The following SLC30A8 variants were observed in gnomAD, a reference collection of about 807,000 sequenced individuals.
SLC30A8 encodes the protein solute carrier family 30 member 8.
A neutral mutation model predicts 36.9 loss-of-function variants in SLC30A8; 27 were observed. That is an observed-to-expected ratio of 0.73 (90% CI 0.54 to 1.01). The LOEUF is 1.01. Among genes scored for constraint, SLC30A8 ranks in the 50% least tolerant of loss-of-function variants. SLC30A8 has a pLI of 0.00. For synonymous variants in SLC30A8, 164 were observed against 172.4 expected (o/e 0.95, Z 0.38); for missense variants, 439 against 452.0 (o/e 0.97, Z 0.26).
intron 1 of SLC30A8, among the ~76,000 whole-genome samples, chr8:117,142,209 A>AGCAAGTCCTATT (rs1405697402): frequency 6.6e-6 from 1 of 152,128 alleles, no homozygotes; most frequent in Non-Finnish European, 1.5e-5. Context: ...GTTATTTATT[A>AGCAAGTCCTATT]GCAAGTCCTA....
intron 2 of SLC30A8, among the ~76,000 whole-genome samples, chr8:117,055,635 A>T (rs1817848944): frequency 6.6e-6 from 1 of 152,224 alleles, no homozygotes; most frequent in Admixed American, 6.5e-5. Flanking sequence ...GATCATCATT[A>T]TATTTCCAGT....
At chr8:117,131,913 C>G (rs776663623), upstream of SLC30A8, among the ~76,000 whole-genome samples, 10 of 151,940 alleles carry the variant, frequency 6.6e-5, no homozygotes, top group Non-Finnish European at 1.2e-4. Flanking sequence ...GCAACTTGTT[C>G]AAGGTCACAT....
intron 2 of SLC30A8, among the ~76,000 whole-genome samples, chr8:117,039,913 G>GATA: frequency 6.6e-6 from 1 of 152,208 alleles, no homozygotes; most frequent in South Asian, 2.1e-4. Flanking sequence ...TAGGCCTTTT[G>GATA]ATAAATTATC....
At chr8:117,159,421 A>C (rs900344607) in intron 4 of SLC30A8, among the ~76,000 whole-genome samples, 1 of 152,194 alleles carries the variant, frequency 6.6e-6, no homozygotes, top group Non-Finnish European at 1.5e-5. Flanking sequence ...GAGCATGTAC[A>C]CTTTGAAAAA....
chr8:117,012,171 C>CT (rs1244475307), intron 1 of SLC30A8, among the ~76,000 whole-genome samples: 3 of 152,000 alleles, frequency 2.0e-5, no homozygotes, highest in Non-Finnish European at 4.4e-5. Context: ...GGAGTTTTAA[C>CT]TTTTTTTAAA....
intron 1 of SLC30A8, among the ~76,000 whole-genome samples, chr8:117,143,699 C>CACACATGA (rs1563623940): frequency 6.6e-6 from 1 of 151,862 alleles, no homozygotes; most frequent in African/African-American, 2.4e-5. Flanking sequence ...CACACACACT[C>CACACATGA]ACACATGAAC....
intron 2 of SLC30A8, among the ~76,000 whole-genome samples, chr8:117,079,054 C>T (rs1446705967): frequency 6.6e-6 from 1 of 151,928 alleles, no homozygotes; most frequent in Non-Finnish European, 1.5e-5. Context: ...CTCTGTCGTC[C>T]AGGCTGGAGT....
At chr8:117,118,159 A>G (rs1820531386) in intron 2 of SLC30A8, among the ~76,000 whole-genome samples, 2 of 149,244 alleles carry the variant, frequency 1.3e-5, no homozygotes, top group South Asian at 4.2e-4. Context: ...TTCAGATGGT[A>G]TACCTTCTCT....
rs538404190 is a variant in SLC30A8, at chr8:117,010,929, C to G, written c.-265-28290C>G. Among the ~76,000 whole-genome samples, 33 of 152,260 alleles carry G rather than the reference C, an allele frequency of 2.2e-4. No homozygotes were observed. In the South Asian group the frequency reaches 6.6e-3, roughly 31 times the overall value. Reference sequence around the variant, plus strand: ...GTGCTAAACCATTAGAAACTGCCCCCGTGATCCAATCACCTTCCACCAGGC... The same window carrying G: ...GTGCTAAACCATTAGAAACTGCCCCGGTGATCCAATCACCTTCCACCAGGC... On this transcript the variant is annotated intron_variant, in intron 1 of 10. Coordinates refer to the SLC30A8 transcript ENST00000427715.
At chr8:116,953,884 G>T (rs1014676012) in intron 1 of SLC30A8, among the ~76,000 whole-genome samples, 1 of 152,144 alleles carries the variant, frequency 6.6e-6, no homozygotes, top group Non-Finnish European at 1.5e-5. Context: ...TCATTCATGA[G>T]ATTTAAGTAG....
At chr8:116,970,387 G>C (rs56075927) in intron 1 of SLC30A8, among the ~76,000 whole-genome samples, 203 of 152,308 alleles carry the variant, frequency 1.3e-3, no homozygotes, top group African/African-American at 4.8e-3. Context: ...TTAATAAGTA[G>C]AAGGAGTACA....
chr8:116,966,205 C>T (rs2130605405), intron 1 of SLC30A8, among the ~76,000 whole-genome samples: 1 of 152,206 alleles, frequency 6.6e-6, no homozygotes, highest in South Asian at 2.1e-4. Context: ...GTAGCTGAAG[C>T]ATGGTATAAA....
At chr8:117,107,759 A>C (rs1820054762) in intron 2 of SLC30A8, among the ~76,000 whole-genome samples, 1 of 152,192 alleles carries the variant, frequency 6.6e-6, no homozygotes, top group Non-Finnish European at 1.5e-5. Flanking sequence ...AACCAGTAAT[A>C]ACTAACCCTG....
Position 117,015,603 on chromosome 8 carries a change from G to A in SLC30A8, c.-265-23616G>A, listed in dbSNP as rs192437237. Among the ~76,000 whole-genome samples the A allele has an allele frequency of 3.1e-3, 477 of 152,172 alleles. 6 individuals are homozygous for A. The highest frequency in any genetic ancestry group is 0.017 in the Middle Eastern group (5 of 294). On this transcript the variant is annotated intron_variant, in intron 1 of 10. Transcript: ENST00000427715. ...GTCAAACCTGTTTGTGAAACAAGAA[G>A]GGGACATAGAATACAGGGTTTTCTG...
intron 1 of SLC30A8, among the ~76,000 whole-genome samples, chr8:117,022,933 A>C (rs1351775108): frequency 6.6e-6 from 1 of 152,206 alleles, no homozygotes; most frequent in Non-Finnish European, 1.5e-5. Flanking sequence ...CATCAGATGA[A>C]TAGGCAACCT....
chr8:117,103,382 T>C (rs1431611418), intron 2 of SLC30A8, among the ~76,000 whole-genome samples: 1 of 152,170 alleles, frequency 6.6e-6, no homozygotes, highest in African/African-American at 2.4e-5. Context: ...CCCTCTCTTC[T>C]TGGCCCACAT....
At chr8:117,051,120 G>A (rs1175635187) in intron 2 of SLC30A8, among the ~76,000 whole-genome samples, 1 of 152,170 alleles carries the variant, frequency 6.6e-6, no homozygotes, top group East Asian at 1.9e-4. Flanking sequence ...GAGAAAAAGT[G>A]GCCTAGGATT....
chr8:117,042,724 G>A (rs913568716), intron 2 of SLC30A8, among the ~76,000 whole-genome samples: 2 of 151,736 alleles, frequency 1.3e-5, no homozygotes, highest in Non-Finnish European at 2.9e-5. Context: ...GGGTCAGGCT[G>A]GAGTGCAGTG....
intron 2 of SLC30A8, among the ~76,000 whole-genome samples, chr8:117,071,139 C>A (rs528773739): frequency 6.6e-6 from 1 of 152,224 alleles, no homozygotes; most frequent in South Asian, 2.1e-4. Flanking sequence ...TCCATAATGG[C>A]TATACTAATT....
Sources: gnomAD v4.1 joint callset for allele counts (sites outside exome capture counted in the v4.1 genomes callset) on GRCh38, gnomAD v4.1.1 for gene constraint, MANE v1.5 for transcripts, NCBI Gene and HGNC (gene_info 2026-07-23, HGNC 2026-07-21) for gene names.